Variants in IGF2BP1 observed in about 807,000 individuals in gnomAD.
IGF2BP1 encodes insulin-like growth factor 2 mRNA-binding protein 1.
A neutral mutation model predicts 74.9 loss-of-function variants in IGF2BP1; 11 were observed. The observed-to-expected ratio is 0.15, with a 90% CI of 0.09 to 0.24. The LOEUF is 0.24. IGF2BP1 is among the 10% of genes least tolerant of loss of function. The pLI is 1.00. For missense variants in IGF2BP1, 440 were observed against 757.4 expected (o/e 0.58, Z 4.92); for synonymous variants, 287 against 281.8 (o/e 1.02, Z -0.18).
chr17:49,023,414 G>A (rs1267256742), intron 2 of IGF2BP1, among the ~76,000 whole-genome samples: 1 of 152,070 alleles, frequency 6.6e-6, no homozygotes, highest in Non-Finnish European at 1.5e-5. Context: ...TAGAATTGCA[G>A]GCTAGAAAAG....
At chr17:49,019,936 A>ATT in intron 2 of IGF2BP1, among the ~76,000 whole-genome samples, 1 of 62,552 alleles carries the variant, frequency 1.6e-5, no homozygotes, top group Admixed American at 1.7e-4. Context: ...ATATATATAT[A>ATT]TATATATATA....
At chr17:49,040,277 A>G (rs1012240203) in intron 7 of IGF2BP1, among the ~76,000 whole-genome samples, 186 bp downstream of exon 7, 20 of 152,210 alleles carry the variant, frequency 1.3e-4, no homozygotes, top group Non-Finnish European at 1.9e-4. Context: ...GTACAGTGGC[A>G]TGATCTCAGC....
chr17:49,028,174 C>T (rs1399503133), intron 4 of IGF2BP1, among the ~76,000 whole-genome samples: 1 of 152,112 alleles, frequency 6.6e-6, no homozygotes, highest in African/African-American at 2.4e-5. Context: ...AAAAACAAAA[C>T]AAAATAAGTT....
In IGF2BP1 at chr17:49,055,748, G is replaced by C. The variant is rs1054110921; in HGVS notation, c.*6304G>C. 5.1e-6 allele frequency: 2 copies of C among 391,188 alleles called. No homozygotes were observed. Among genetic ancestry groups the C allele is most frequent in the African/African-American group, 4.2e-5 (2 of 48,014 alleles). 24.2% of individuals were successfully genotyped at this position (391,188 alleles called of 1,614,324 possible). A position where few individuals can be genotyped will look rare whatever the true frequency, so the allele number is the denominator to read the frequency against. The stretch of plus-strand genomic sequence containing the variant: ...CTGAGGCAAAGTGGATTTGTAAGCA[G>C]TTCTGAAACATCACTTACTCAGAAG... On this transcript the variant is annotated 3_prime_UTR_variant, in exon 15 of 15. Transcript: ENST00000290341.
In IGF2BP1 at chr17:49,043,490, C is replaced by T. The variant is rs1394413333; in HGVS notation, c.1140C>T (p.Ser380=). The T allele has an allele frequency of 8.1e-6, 13 of 1,613,976 alleles. No individual in the cohort carries two copies. Among genetic ancestry groups the T allele is most frequent in the Non-Finnish European group, 1.0e-5 (12 of 1,180,004 alleles). ...CTGTAGGTCTTTTCCCAGCTTCATC[C>T]AGCGCAGTCCCGCCGCCTCCCAGCA... ...LAAVGLFPAS[S]SAVPPPPSSV... Residue 380 remains serine, a synonymous_variant, in exon 10 of 15, where the codon TCC becomes TCT. Transcript: ENST00000290341.
chr17:49,047,849 G>A (rs1204010939), intron 14 of IGF2BP1, among the ~76,000 whole-genome samples: 1 of 151,994 alleles, frequency 6.6e-6, no homozygotes, highest in African/African-American at 2.4e-5. Flanking sequence ...CAAGTAGCTG[G>A]GACTACAGGC....
At chr17:48,998,008 CCT>C (rs1333895240) in intron 1 of IGF2BP1, 88 bp downstream of exon 1, 3 of 1,466,022 alleles carry the variant, frequency 2.0e-6, no homozygotes, top group African/African-American at 2.8e-5. Context: ...CCCGCCAACT[CCT>C]CTCTTCCCGG....
rs1217578758 is a variant in IGF2BP1, at chr17:49,055,855, T to TC, written c.*6411_*6412insC. Among the ~76,000 whole-genome samples, 3 of 148,478 alleles carry TC rather than the reference T, an allele frequency of 2.0e-5. No homozygotes were observed. The highest frequency in any genetic ancestry group is 4.5e-5 in the Non-Finnish European group (3 of 66,614). On this transcript the variant is annotated 3_prime_UTR_variant, in exon 15 of 15. Transcript: ENST00000290341. The stretch of plus-strand genomic sequence containing the variant: ...GGGACAGTTTTTTTTTTTTTTTTTT[T>TC]TTTAAATATGAGTGCTAGCTTATTC...
chr17:49,047,174 T>C (rs1048519860), intron 14 of IGF2BP1, among the ~76,000 whole-genome samples: 11 of 152,270 alleles, frequency 7.2e-5, no homozygotes, highest in Middle Eastern at 6.8e-3. Flanking sequence ...AGTGCCCATA[T>C]AGTATAGCAT....
intron 2 of IGF2BP1, among the ~76,000 whole-genome samples, chr17:49,023,288 A>G (rs1249238440): frequency 6.6e-6 from 1 of 152,244 alleles, no homozygotes; most frequent in Non-Finnish European, 1.5e-5. Flanking sequence ...TGAACAAACC[A>G]AAGAAGACAG....
chr17:49,034,765 C>CAAAAAA (rs759683218), intron 5 of IGF2BP1, among the ~76,000 whole-genome samples: 1 of 137,520 alleles, frequency 7.3e-6, no homozygotes, highest in African/African-American at 2.8e-5. Flanking sequence ...ACAAAAAAAA[C>CAAAAAA]AAAAAAAACG....
At position 49,032,063 on chromosome 17, in the gene IGF2BP1, G is replaced by C; in HGVS notation, c.401+90G>C. 3 of 1,165,212 alleles carry C rather than the reference G, an allele frequency of 2.6e-6. No homozygotes were observed. In the East Asian group the frequency reaches 7.0e-5, roughly 27 times the overall value. 72.2% of individuals were successfully genotyped at this position (1,165,212 alleles called of 1,614,324 possible). A position where few individuals can be genotyped will look rare whatever the true frequency, so the allele number is the denominator to read the frequency against. ...CTGGTCCCACTTTTTCCTCAGGGGG[G>C]TCTAGGCAGGCTGGGTCCCCATCCA... is the stretch of plus-strand genomic sequence containing the variant. On this transcript the variant is annotated intron_variant, in intron 5 of 14. Coordinates refer to ENST00000290341, the MANE Select transcript of IGF2BP1 (RefSeq NM_006546.4).
chr17:49,044,738 A>T (rs2042091600), intron 11 of IGF2BP1, among the ~76,000 whole-genome samples: 1 of 152,260 alleles, frequency 6.6e-6, no homozygotes. Context: ...GGAGATTGGT[A>T]GGTGGAGGGG....
intron 9 of IGF2BP1, 104 bp from the exon 10 acceptor site, chr17:49,043,324 T>G: frequency 7.7e-7 from 1 of 1,297,212 alleles, no homozygotes; most frequent in Non-Finnish European, 1.1e-6. Flanking sequence ...ATTCATGTTT[T>G]TGGCCCACTT....
At chr17:49,013,843 C>G (rs1224612229) in intron 2 of IGF2BP1, 2 of 152,298 alleles carry the variant, frequency 1.3e-5, no homozygotes, top group African/African-American at 4.8e-5. Context: ...AGCCAAGGGC[C>G]GCGGGTCCCC....
intron 12 of IGF2BP1, among the ~76,000 whole-genome samples, chr17:49,045,450 C>G (rs2042099256): frequency 6.6e-6 from 1 of 152,280 alleles, no homozygotes; most frequent in Non-Finnish European, 1.5e-5. Flanking sequence ...CTAGCTTAAC[C>G]TAACATATGT....
chr17:49,043,545 T>C lies in IGF2BP1; in HGVS notation c.1195T>C (p.Phe399Leu). 1 of 1,613,994 alleles carries C rather than the reference T, an allele frequency of 6.2e-7. No individual in the cohort carries two copies. ...TACTGGGGCTGCTCCCTATAGCTCC[T>C]TTATGGTAGGTGGAAGATCTTATTA... is the stretch of plus-strand genomic sequence containing the variant. ...SVTGAAPYSS[F>L]MQAPEQEMVQ... The change falls in exon 10 of 15, where the codon TTT (phenylalanine) becomes CTT (leucine). Residue 399 changes from phenylalanine to leucine, a missense_variant. Transcript: ENST00000290341.
At chr17:49,019,912 A>ATG (rs1377190666) in intron 2 of IGF2BP1, among the ~76,000 whole-genome samples, 1 of 27,556 alleles carries the variant, frequency 3.6e-5, no homozygotes, top group African/African-American at 2.4e-4. Context: ...ATTTATATAT[A>ATG]TATATATATA....
At chr17:49,019,938 A>ATTTATATATATATATATT (rs1489574242) in intron 2 of IGF2BP1, among the ~76,000 whole-genome samples, 2 of 57,374 alleles carry the variant, frequency 3.5e-5, no homozygotes, top group Non-Finnish European at 6.8e-5. Flanking sequence ...ATATATATAT[A>ATTTATATATATATATATT]TATATATATA....
Sources: allele counts gnomAD v4.1 joint callset (sites outside exome capture counted in the v4.1 genomes callset), GRCh38; gene constraint gnomAD v4.1.1; transcripts MANE v1.5; gene names NCBI Gene and HGNC (gene_info 2026-07-23, HGNC 2026-07-21).